The following RAP1GAP2 variants were observed in gnomAD, a reference collection of about 807,000 sequenced individuals.
The protein encoded by RAP1GAP2 is RAP1 GTPase activating protein 2.
RAP1GAP2 carries 27 observed loss-of-function variants against 95.0 expected under a neutral mutation model. The observed-to-expected ratio is 0.28, with a 90% CI of 0.21 to 0.39. The LOEUF is 0.39. RAP1GAP2 is among the 10% of genes least tolerant of loss of function. RAP1GAP2 has a pLI of 1.00. For synonymous variants in RAP1GAP2, 373 were observed against 380.9 expected (o/e 0.98, Z 0.24); for missense variants, 771 against 970.0 (o/e 0.79, Z 2.72).
At chr17:2,889,693 T>C (rs2073622897) in intron 2 of RAP1GAP2, among the ~76,000 whole-genome samples, 1 of 147,342 alleles carries the variant, frequency 6.8e-6, no homozygotes, top group Admixed American at 6.8e-5. Context: ...TTTTTTTTTT[T>C]TTTTTTTGAG....
rs1312105937 is a variant in RAP1GAP2, at chr17:3,034,977, C to T, written c.*1616C>T. ...CTGTGCCCAAGATATAAATACTACA[C>T]TTTTTTTTTTTTTTTTTAACTGACA... On this transcript the variant is annotated 3_prime_UTR_variant, in exon 25 of 25. Coordinates refer to ENST00000254695, the MANE Select transcript of RAP1GAP2 (RefSeq NM_015085.5). This position sits in a 1 kb window ranked among gnomAD's most constrained non-coding sequence, Gnocchi z 5.1. The T allele has an allele frequency of 1.4e-5, 2 of 138,636 alleles. No individual in the cohort carries two copies. The highest frequency in any genetic ancestry group is 5.4e-5 in the African/African-American group (2 of 37,176). 8.6% of individuals were successfully genotyped at this position (138,636 alleles called of 1,614,324 possible).
intron 2 of RAP1GAP2, among the ~76,000 whole-genome samples, chr17:2,886,725 C>T (rs930786627): frequency 2.0e-5 from 3 of 152,144 alleles, no homozygotes; most frequent in Non-Finnish European, 4.4e-5. Flanking sequence ...TACCCATTCC[C>T]CAGCAGACGG....
chr17:2,802,608 G>A (rs1011142943), intron 2 of RAP1GAP2, among the ~76,000 whole-genome samples: 5 of 152,176 alleles, frequency 3.3e-5, no homozygotes, highest in East Asian at 3.9e-4. Context: ...CTACTCGGCC[G>A]ACTGAGGCAG....
chr17:2,914,280 A>C (rs185798975), intron 3 of RAP1GAP2, among the ~76,000 whole-genome samples: 22 of 152,142 alleles, frequency 1.4e-4, no homozygotes, highest in Non-Finnish European at 2.9e-4. Flanking sequence ...ATCCTCATCA[A>C]CATTTGCCAT....
At chr17:2,814,973 TCCCAC>T (rs889709444) in intron 2 of RAP1GAP2, among the ~76,000 whole-genome samples, 1 of 152,036 alleles carries the variant, frequency 6.6e-6, no homozygotes, top group African/African-American at 2.4e-5. Context: ...ACAGCCCCTG[TCCCAC>T]CCTGCCATGC....
chr17:2,806,845 C>CTATTTTTTTTG (rs1168070507), intron 2 of RAP1GAP2, among the ~76,000 whole-genome samples: 1 of 151,704 alleles, frequency 6.6e-6, no homozygotes. Context: ...CCATACCCAA[C>CTATTTTTTTTG]TATTTTTTTT....
chr17:2,920,848 G>T (rs1213633478), intron 3 of RAP1GAP2, among the ~76,000 whole-genome samples: 1 of 152,156 alleles, frequency 6.6e-6, no homozygotes, highest in Admixed American at 6.5e-5. Flanking sequence ...GCGGGATGCT[G>T]CCAGATTCTG....
chr17:2,862,176 G>A (rs1460781234), intron 2 of RAP1GAP2, among the ~76,000 whole-genome samples: 1 of 152,162 alleles, frequency 6.6e-6, no homozygotes, highest in Non-Finnish European at 1.5e-5. Context: ...TGAAGCTGGG[G>A]CCAGGAGCCA....
chr17:2,800,951 G>A lies in RAP1GAP2; in HGVS notation c.80+401G>A, dbSNP rs764498645. 1.7e-4 allele frequency among the ~76,000 whole-genome samples: 26 copies of A among 149,752 alleles called. No homozygotes were observed. The Admixed American group carries it at 1.7e-3, about 10-fold the overall frequency. On this transcript the variant is annotated intron_variant, in intron 2 of 24. Coordinates refer to ENST00000254695, the MANE Select transcript of RAP1GAP2 (RefSeq NM_015085.5). ...TGCAACCTCCACCTTCCAGGTTCAA[G>A]TGAATCTCCTGCCTCAGCCTCCCAA...
chr17:2,800,556 T>C lies in RAP1GAP2; in HGVS notation c.80+6T>C. ...CTGGCAAGTCTGAAGGTCAAGTAAGTAGCAATTTCCTGTTCTGTAAAGGTC... is the reference window on the plus strand; with the variant it reads ...CTGGCAAGTCTGAAGGTCAAGTAAGCAGCAATTTCCTGTTCTGTAAAGGTC... On this transcript the variant is annotated splice_donor_region_variant and intron_variant, in intron 2 of 24. Transcript: ENST00000254695. 5 of 1,612,304 alleles carry C rather than the reference T, an allele frequency of 3.1e-6. No homozygotes were observed. Among genetic ancestry groups the C allele is most frequent in the Non-Finnish European group, 4.2e-6 (5 of 1,179,194 alleles).
At chr17:2,956,588 T>G in intron 3 of RAP1GAP2, among the ~76,000 whole-genome samples, 1 of 152,364 alleles carries the variant, frequency 6.6e-6, no homozygotes, top group Middle Eastern at 3.4e-3. Flanking sequence ...GGACTGTCTG[T>G]TCTGGGCACT....
At chr17:2,808,639 C>T (rs934242864) in intron 2 of RAP1GAP2, among the ~76,000 whole-genome samples, 7 of 152,162 alleles carry the variant, frequency 4.6e-5, no homozygotes, top group Admixed American at 3.9e-4. Flanking sequence ...CCGGTGTGGC[C>T]GCCCTTGTGA....
intron 2 of RAP1GAP2, among the ~76,000 whole-genome samples, chr17:2,895,892 G>A (rs1330013250): frequency 6.6e-6 from 1 of 151,916 alleles, no homozygotes; most frequent in East Asian, 1.9e-4. Flanking sequence ...CTCCCCTTTT[G>A]CCAGCCTGCT....
chr17:2,958,284 T>A (rs1256942855), intron 4 of RAP1GAP2, among the ~76,000 whole-genome samples: 1 of 152,030 alleles, frequency 6.6e-6, no homozygotes, highest in Non-Finnish European at 1.5e-5. Flanking sequence ...CCCACTTACA[T>A]GGTGGTTGGG....
chr17:2,944,099 A>G (rs938117744), intron 3 of RAP1GAP2, among the ~76,000 whole-genome samples: 1 of 145,840 alleles, frequency 6.9e-6, no homozygotes, highest in Admixed American at 6.9e-5. Flanking sequence ...CTATGAGCCG[A>G]GATTGCGCCA....
Position 2,797,864 on chromosome 17 carries a change from A to C in RAP1GAP2, c.44+1293A>C. 6.0e-6 allele frequency: 5 copies of C among 834,094 alleles called. No individual in the cohort carries two copies. Among genetic ancestry groups the C allele is most frequent in the Non-Finnish European group, 5.8e-6 (4 of 692,072 alleles). 51.7% of individuals were successfully genotyped at this position (834,094 alleles called of 1,614,324 possible). On this transcript the variant is annotated intron_variant, in intron 1 of 24. Coordinates refer to ENST00000254695, the MANE Select transcript of RAP1GAP2 (RefSeq NM_015085.5). This position sits in a 1 kb window ranked among gnomAD's most constrained non-coding sequence, Gnocchi z 5.6. ...TGTGTGTCTTGGCTGTGGGCCTTGC[A>C]GGGCAGGGCCCAGCAATTAGATTGT...
Position 2,902,504 on chromosome 17 carries a change from C to T in RAP1GAP2, c.81-2780C>T, listed in dbSNP as rs932187362. 2.6e-5 allele frequency among the ~76,000 whole-genome samples: 4 copies of T among 152,200 alleles called. No individual in the cohort carries two copies. Among genetic ancestry groups the T allele is most frequent in the Non-Finnish European group, 4.4e-5 (3 of 68,042 alleles). ...AAAATGGTGGGATTACAGGCATGAG[C>T]CACCGCTCTGGGCCCAGTTCAGATG... is the stretch of plus-strand genomic sequence containing the variant. On this transcript the variant is annotated intron_variant, in intron 2 of 24. Coordinates refer to ENST00000254695, the MANE Select transcript of RAP1GAP2 (RefSeq NM_015085.5). The surrounding 1 kb of genome is among the most constrained non-coding windows in gnomAD (Gnocchi z 4.1).
chr17:2,985,647 G>C (rs1299911907), intron 11 of RAP1GAP2, among the ~76,000 whole-genome samples: 3 of 152,180 alleles, frequency 2.0e-5, no homozygotes, highest in Non-Finnish European at 4.4e-5. Flanking sequence ...CTCAGCCTCT[G>C]TGTTTTGTAG....
chr17:2,835,463 C>T (rs189746796), intron 2 of RAP1GAP2, among the ~76,000 whole-genome samples: 11 of 152,336 alleles, frequency 7.2e-5, no homozygotes, highest in South Asian at 6.2e-4. Flanking sequence ...TCAGGTGATC[C>T]GCCTGCCTCA....
Sources: gnomAD v4.1 joint callset for allele counts (sites outside exome capture counted in the v4.1 genomes callset) on GRCh38, gnomAD v4.1.1 for gene constraint, Gnocchi (gnomAD v3.1) non-coding constraint, MANE v1.5 for transcripts, NCBI Gene and HGNC (gene_info 2026-07-23, HGNC 2026-07-21) for gene names.